Variants in LTB observed in about 807,000 individuals in gnomAD.
LTB encodes lymphotoxin beta.
Under a neutral mutation model 14.7 loss-of-function variants are expected in LTB, and 17 were observed. The observed-to-expected ratio is 1.16, with a 90% CI of 0.79 to 1.73. The LOEUF is 1.73. Ranked by LOEUF, LTB falls within the 40% of genes most tolerant of loss-of-function variation. LTB has a pLI of 0.00. For synonymous variants in LTB, 163 were observed against 157.3 expected (o/e 1.04, Z -0.27); for missense variants, 288 against 324.3 (o/e 0.89, Z 0.86).
chr6:31,581,175 C>G lies in LTB; in HGVS notation c.281-12G>C. The G allele has an allele frequency of 6.6e-7, 1 of 1,517,628 alleles. No individual in the cohort carries two copies. The highest frequency in any genetic ancestry group is 1.3e-5 in the South Asian group (1 of 76,374). The allele number at this position is 1,517,628 out of a possible 1,614,324, so 94.0% of individuals were successfully genotyped here. A position where few individuals can be genotyped will look rare whatever the true frequency, so the allele number is the denominator to read the frequency against. On this transcript the variant is annotated splice_polypyrimidine_tract_variant and intron_variant, in intron 3 of 3. Transcript: ENST00000429299. Reference sequence around the variant, plus strand: ...CTTCAGCGGAGCGCCTGCGGAGACACGGGCCGACGCGCTCTTGGGAATGCG... The same window carrying G: ...CTTCAGCGGAGCGCCTGCGGAGACAGGGGCCGACGCGCTCTTGGGAATGCG...
At position 31,581,590 on chromosome 6, in the gene LTB, G is replaced by A. The variant is rs779860052; in HGVS notation, c.249C>T (p.Leu83=). 3.7e-6 allele frequency: 6 copies of A among 1,612,922 alleles called. No individual in the cohort carries two copies. In the African/African-American group the frequency reaches 8.0e-5, roughly 22 times the overall value. ...GGTGGGCAGCTGGGAGCCCGGGGCT[G>A]AGATCTGTTTCTGGCTCCTCCTCTG... ...KLPEEEPETD[L]SPGLPAAHLI... is the part of the protein sequence containing the mutation. The change falls in exon 3 of 4, where the codon CTC becomes CTT. Residue 83 remains leucine, a synonymous_variant. Transcript: ENST00000429299.
At chr6:31,581,954 C>T (rs185251429) in intron 1 of LTB, 95 bp from the exon 2 acceptor site, 1 of 1,267,936 alleles carries the variant, frequency 7.9e-7, no homozygotes, top group Non-Finnish European at 1.1e-6. Context: ...CCTGGGGTTT[C>T]TCCTACCAGC....
At position 31,581,661 on chromosome 6, in the gene LTB, G is replaced by T. The variant is rs560484795; in HGVS notation, c.209-31C>A. ...AGGGGCAAAGAGTCCACGATTGGGG[G>T]CAGGGCAGCCACCCATGCAGGCTAC... On this transcript the variant is annotated intron_variant, in intron 2 of 3. Coordinates refer to ENST00000429299, the MANE Select transcript of LTB (RefSeq NM_002341.2). The T allele has an allele frequency of 8.7e-6, 14 of 1,607,672 alleles. No homozygotes were observed. The South Asian group carries it at 1.4e-4, about 16-fold the overall frequency.
rs748778397 is a variant in LTB, at chr6:31,580,667, G to A, written c.*42C>T. 1.9e-6 allele frequency: 3 copies of A among 1,545,848 alleles called. No homozygotes were observed. Among genetic ancestry groups the A allele is most frequent in the South Asian group, 1.2e-5 (1 of 84,104 alleles). ...CTGCCATGGGGTCCTGGGCGTCCGG[G>A]CCCCCAATATTCACGCACTCGCACC... On this transcript the variant is annotated 3_prime_UTR_variant, in exon 4 of 4. Coordinates refer to ENST00000429299, the MANE Select transcript of LTB (RefSeq NM_002341.2). The surrounding 1 kb of genome is among the most constrained non-coding windows in gnomAD (Gnocchi z 6.6).
intron 1 of LTB, 134 bp downstream of exon 1, chr6:31,582,122 A>G (rs1771586897): frequency 9.4e-7 from 1 of 1,062,752 alleles, no homozygotes; most frequent in Admixed American, 2.1e-5. Flanking sequence ...AGAGTCAGCA[A>G]AGAGACAAGA....
intron 3 of LTB, among the ~76,000 whole-genome samples, 195 bp downstream of exon 3, chr6:31,581,364 G>T (rs1489163132): frequency 6.6e-6 from 1 of 152,188 alleles, no homozygotes; most frequent in African/African-American, 2.4e-5. Flanking sequence ...GGACCTCCAG[G>T]CCGGCTTTTG....
In LTB at chr6:31,580,783, C is replaced by G. The variant is rs746871696; in HGVS notation, c.661G>C (p.Val221Leu). 9 of 1,612,942 alleles carry G rather than the reference C, an allele frequency of 5.6e-6. No individual in the cohort carries two copies. The highest frequency in any genetic ancestry group is 8.5e-7 in the Non-Finnish European group (1 of 1,180,026). ...VQLRRGERVY[V>L]NISHPDMVDF... ...ACCATATCGGGGTGACTGATGTTGA[C>G]GTACACCCTCTCGCCCCTCCGGAGC... is the stretch of plus-strand genomic sequence containing the variant. The change falls in exon 4 of 4, where the codon GTC (valine) becomes CTC (leucine). Residue 221 changes from valine (V) to leucine (L), a missense_variant. Coordinates refer to ENST00000429299, the MANE Select transcript of LTB (RefSeq NM_002341.2). The surrounding 1 kb of genome is among the most constrained non-coding windows in gnomAD (Gnocchi z 6.6).
intron 1 of LTB, 123 bp from the exon 2 acceptor site, chr6:31,581,982 C>T: frequency 9.9e-7 from 1 of 1,008,294 alleles, no homozygotes. Flanking sequence ...CCAACACACA[C>T]CTCCTTAGAA....
intron 2 of LTB, 56 bp from the exon 3 acceptor site, chr6:31,581,686 C>T: frequency 6.2e-7 from 1 of 1,600,568 alleles, no homozygotes; most frequent in Non-Finnish European, 8.6e-7. Flanking sequence ...ATGCAGGCTA[C>T]CCTTGAGAGA....
chr6:31,581,608 C>T lies in LTB; in HGVS notation c.231G>A (p.Glu77=), dbSNP rs1771517306. Reference sequence around the variant, plus strand: ...CGGGGCTGAGATCTGTTTCTGGCTCCTCCTCTGGCAGCTTCTGAAACCCTG... The same window carrying T: ...CGGGGCTGAGATCTGTTTCTGGCTCTTCCTCTGGCAGCTTCTGAAACCCTG... ...QGLGFQKLPE[E]EPETDLSPGL... Residue 77 remains glutamate, a synonymous_variant, in exon 3 of 4, where the codon GAG becomes GAA. Transcript: ENST00000429299. The T allele has an allele frequency of 1.2e-6, 2 of 1,612,824 alleles. No homozygotes were observed. The highest frequency in any genetic ancestry group is 1.1e-5 in the South Asian group (1 of 91,082).
chr6:31,581,052 C>T lies in LTB; in HGVS notation c.392G>A (p.Gly131Asp), dbSNP rs1473731879. The change falls in exon 4 of 4, where the codon GGC (glycine) becomes GAC (aspartate). Residue 131 changes from glycine to aspartate, a missense_variant. Gly to Asp is a moderately conservative substitution (Grantham distance 94). Around this residue, in one of 2 missense-constraint regions of LTB, gnomAD observed 284 missense variants for 299.2 expected, o/e 0.95. Transcript: ENST00000429299. ...DAEGLALPQD[G>D]LYYLYCLVGY... ...GACGAGACAGTAGAGGTAATAGAGG[C>T]CGTCCTGCGGGAGCGCCAGCCCCTC... The T allele has an allele frequency of 2.5e-6, 4 of 1,608,500 alleles. No individual in the cohort carries two copies. Among genetic ancestry groups the T allele is most frequent in the African/African-American group, 1.3e-5 (1 of 74,840 alleles).
chr6:31,582,261 C>T lies in LTB; in HGVS notation c.157G>A (p.Gly53Arg). The T allele has an allele frequency of 6.2e-7, 1 of 1,612,962 alleles. No individual in the cohort carries two copies. Among genetic ancestry groups the T allele is most frequent in the Non-Finnish European group, 8.5e-7 (1 of 1,179,940 alleles). The change falls in exon 1 of 4, where the codon GGA (glycine) becomes AGA (arginine). Residue 53 changes from glycine to arginine, a missense_variant. Around this residue, in one of 2 missense-constraint regions of LTB, gnomAD observed 284 missense variants for 299.2 expected, o/e 0.95. Transcript: ENST00000429299. The part of the protein sequence containing the change: ...VLALVPQDQG[G>R]LVTETADPGA... ...GGCCTGTTGCAGCCACTCACCAGTC[C>T]TCCCTGATCCTGGGGCACTAAGGCC...
intron 1 of LTB, 90 bp from the exon 2 acceptor site, chr6:31,581,949 G>A (rs1771563657): frequency 2.2e-6 from 3 of 1,335,540 alleles, no homozygotes; most frequent in East Asian, 2.3e-5. Context: ...GCAGGCCTGG[G>A]GTTTCTCCTA....
intron 3 of LTB, 57 bp downstream of exon 3, chr6:31,581,502 G>C (rs1771504703): frequency 6.6e-7 from 1 of 1,511,776 alleles, no homozygotes; most frequent in Non-Finnish European, 9.2e-7. Context: ...CTCTGGGCGA[G>C]CAGAACTGGA....
chr6:31,582,401 A>G lies in LTB; in HGVS notation c.17T>C (p.Leu6Pro), dbSNP rs1183316445. The change falls in exon 1 of 4, where the codon CTG becomes CCG. Residue 6 changes from leucine to proline, a missense_variant. By Grantham distance (98) the Leu-to-Pro change is moderately conservative. Transcript: ENST00000429299. ...CTGGAGCCTCCCACCCCTGCCCTCC[A>G]GCCCCAGTGCCCCCATTGAGACTGA... is the stretch of plus-strand genomic sequence containing the variant. MGALG[L>P]EGRGGRLQGR... The G allele has an allele frequency of 5.6e-6, 9 of 1,610,250 alleles. No individual in the cohort carries two copies. Among genetic ancestry groups the G allele is most frequent in the Non-Finnish European group, 7.6e-6 (9 of 1,178,810 alleles).
Position 31,582,161 on chromosome 6 carries a change from T to C in LTB, c.162+95A>G, listed in dbSNP as rs536122305. 32 of 1,465,922 alleles carry C rather than the reference T, an allele frequency of 2.2e-5. No individual in the cohort carries two copies. The South Asian group carries it at 3.4e-4, about 16-fold the overall frequency. The allele number at this position is 1,465,922 out of a possible 1,614,324, so 90.8% of individuals were successfully genotyped here. ...CCCCACCAGGGACAGCCGAGCCAGCTGAGCCAGAGGGGGCAAAAGACCACA... is the reference window on the plus strand; with the variant it reads ...CCCCACCAGGGACAGCCGAGCCAGCCGAGCCAGAGGGGGCAAAAGACCACA... On this transcript the variant is annotated intron_variant, in intron 1 of 3. Transcript: ENST00000429299.
chr6:31,581,835 C>G lies in LTB; in HGVS notation c.187G>C (p.Ala63Pro). The change falls in exon 2 of 4, where the codon GCA (alanine) becomes CCA (proline). Residue 63 changes from alanine (A) to proline (P), a missense_variant. Physicochemically the swap from Ala to Pro is conservative, Grantham distance 27. Around this residue, in one of 2 missense-constraint regions of LTB, gnomAD observed 284 missense variants for 299.2 expected, o/e 0.95. Transcript: ENST00000429299. Reference protein sequence around the residue: ...GLVTETADPGAQAQQGLGFQK... With the variant: ...GLVTETADPGPQAQQGLGFQK... Reference sequence around the variant, plus strand: ...TTACCCAGTCCTTGCTGGGCCTGTGCCCCGGGGTCGGCCGTCTCCGTTACC... The same window carrying G: ...TTACCCAGTCCTTGCTGGGCCTGTGGCCCGGGGTCGGCCGTCTCCGTTACC... The G allele has an allele frequency of 6.2e-7, 1 of 1,602,198 alleles. No individual in the cohort carries two copies. The highest frequency in any genetic ancestry group is 8.5e-7 in the Non-Finnish European group (1 of 1,175,570).
At chr6:31,581,651 ACGATTGGGGGCAGGGCAG>A in intron 2 of LTB, 21 bp from the exon 3 acceptor site, 1 of 1,612,072 alleles carries the variant, frequency 6.2e-7, no homozygotes. Flanking sequence ...CAAAGAGTCC[ACGATTGGGGGCAGGGCAG>A]CCACCCATGC....
rs765370402 is a variant in LTB, at chr6:31,582,397, C to T, written c.21G>A (p.Glu7=). The part of the protein sequence containing the change: MGALGL[E]GRGGRLQGRG... ...TCCCCTGGAGCCTCCCACCCCTGCC[C>T]TCCAGCCCCAGTGCCCCCATTGAGA... Residue 7 remains glutamate, a synonymous_variant, in exon 1 of 4, where the codon GAG becomes GAA. Transcript: ENST00000429299. The T allele has an allele frequency of 6.2e-7, 1 of 1,612,572 alleles. No homozygotes were observed. The highest frequency in any genetic ancestry group is 8.5e-7 in the Non-Finnish European group (1 of 1,179,876).
Sources: gnomAD v4.1 joint callset for allele counts (sites outside exome capture counted in the v4.1 genomes callset) on GRCh38, gnomAD v4.1.1 for gene constraint, gnomAD v4.1.1 regional missense constraint, Gnocchi (gnomAD v3.1) non-coding constraint, MANE v1.5 for transcripts, NCBI Gene and HGNC (gene_info 2026-07-23, HGNC 2026-07-21) for gene names.